The following LMF1 variants were observed in gnomAD, a reference collection of about 807,000 sequenced individuals.
LMF1 encodes lipase maturation factor 1.
A neutral mutation model predicts 60.6 loss-of-function variants in LMF1; 68 were observed. The observed-to-expected ratio is 1.12, with a 90% CI of 0.92 to 1.37. LMF1 has a LOEUF of 1.37. Ranked by LOEUF, LMF1 falls within the 40% of genes most tolerant of loss-of-function variation. The pLI, the probability that LMF1 is intolerant of heterozygous loss-of-function variation, is 0.00. For missense variants in LMF1, 948 were observed against 767.2 expected (o/e 1.24, Z -2.78); for synonymous variants, 418 against 324.7 (o/e 1.29, Z -3.09).
Position 954,360 on chromosome 16 carries a change from A to C in LMF1, c.500T>G (p.Val167Gly). ...CCGCCCCATTCCTGCTACTCACCAG[A>C]CATGGCCCACATTAACCAGGGACAT... is the stretch of plus-strand genomic sequence containing the variant. ...LYMSLVNVGH[V>G]WYSFGWESQL... Residue 167 changes from valine to glycine, a missense_variant, in exon 2 of 11, where the codon GTC becomes GGC. Coordinates refer to ENST00000262301, the MANE Select transcript of LMF1 (RefSeq NM_022773.4). The C allele has an allele frequency of 6.2e-7, 1 of 1,611,602 alleles. No individual in the cohort carries two copies. The highest frequency in any genetic ancestry group is 8.5e-7 in the Non-Finnish European group (1 of 1,179,368).
chr16:909,878 C>T (rs2151753351), intron 4 of LMF1, among the ~76,000 whole-genome samples: 1 of 152,384 alleles, frequency 6.6e-6, no homozygotes, highest in South Asian at 2.1e-4. Flanking sequence ...GCGGCACACT[C>T]TGGCCGTGGC....
intron 1 of LMF1, among the ~76,000 whole-genome samples, chr16:957,830 A>G (rs1181368378): frequency 1.3e-5 from 2 of 152,184 alleles, no homozygotes; most frequent in Non-Finnish European, 2.9e-5. Context: ...CAAAGGTTCA[A>G]AGGCAACTAC....
chr16:977,994 A>G (rs900603757), intron 1 of LMF1, among the ~76,000 whole-genome samples: 29 of 138,014 alleles, frequency 2.1e-4, no homozygotes, highest in Non-Finnish European at 4.2e-4. Flanking sequence ...ACATACACGC[A>G]CACACACACA....
At chr16:868,461 G>C (rs1051382637) in intron 10 of LMF1, among the ~76,000 whole-genome samples, 1 of 152,142 alleles carries the variant, frequency 6.6e-6, no homozygotes, top group Non-Finnish European at 1.5e-5. Context: ...ACCCTGCGGG[G>C]CTCCCTCCTT....
At chr16:950,394 G>A (rs1466097286) in intron 2 of LMF1, among the ~76,000 whole-genome samples, 2 of 135,916 alleles carry the variant, frequency 1.5e-5, no homozygotes, top group Non-Finnish European at 3.1e-5. Flanking sequence ...CAATGACAGA[G>A]TCAGAGCCAA....
At chr16:895,912 G>C (rs568801179) in intron 4 of LMF1, among the ~76,000 whole-genome samples, 2 of 103,876 alleles carry the variant, frequency 1.9e-5, no homozygotes, top group East Asian at 5.8e-4. Flanking sequence ...ACACGCCTCG[G>C]AGGGGTTGTG....
At chr16:913,900 C>T (rs1352755290) in intron 3 of LMF1, among the ~76,000 whole-genome samples, 1 of 152,226 alleles carries the variant, frequency 6.6e-6, no homozygotes, top group Non-Finnish European at 1.5e-5. Context: ...CCCCCGACAC[C>T]CCGACAGGGA....
intron 1 of LMF1, among the ~76,000 whole-genome samples, chr16:968,090 G>A (rs1460382243): frequency 6.6e-6 from 1 of 152,208 alleles, no homozygotes; most frequent in Non-Finnish European, 1.5e-5. Context: ...TGTGTGCAGT[G>A]AGCACACCCC....
chr16:974,838 C>A (rs1296862665), upstream of LMF1, among the ~76,000 whole-genome samples: 1 of 152,242 alleles, frequency 6.6e-6, no homozygotes, highest in African/African-American at 2.4e-5. Context: ...CTCTGGCACC[C>A]GCAGGAAGCC....
rs1326465253 is a variant in LMF1, at chr16:879,626, G to C, written c.841C>G (p.Leu281Val). The C allele has an allele frequency of 6.2e-7, 1 of 1,613,542 alleles. No individual in the cohort carries two copies. The highest frequency in any genetic ancestry group is 1.7e-5 in the Admixed American group (1 of 59,978). The part of the protein sequence containing the change: ...HFIELLVPFF[L>V]FLGRRACIIH... ...ATGCACGCCCGCCGGCCGAGGAAGA[G>C]GAAGAAGGGCACCAGGAGCTCGATG... The change falls in exon 6 of 11, where the codon CTC (leucine) becomes GTC (valine). Residue 281 changes from leucine (L) to valine (V), a missense_variant. Physicochemically the swap from Leu to Val is conservative, Grantham distance 32 (BLOSUM62 1). Coordinates refer to ENST00000262301, the MANE Select transcript of LMF1 (RefSeq NM_022773.4).
At chr16:979,577 T>C in intron 1 of LMF1, 1 of 451,210 alleles carries the variant, frequency 2.2e-6, no homozygotes. Flanking sequence ...TCTCCCTTCC[T>C]CCAGGGGTGC....
At chr16:896,334 C>A (rs1164761382) in intron 4 of LMF1, among the ~76,000 whole-genome samples, 1 of 152,220 alleles carries the variant, frequency 6.6e-6, no homozygotes, top group South Asian at 2.1e-4. Context: ...TGTCTGGGTC[C>A]GGCATCGCCG....
intron 2 of LMF1, among the ~76,000 whole-genome samples, chr16:947,143 C>A (rs770462410): frequency 6.6e-6 from 1 of 152,252 alleles, no homozygotes; most frequent in African/African-American, 2.4e-5. Context: ...GAAGAGACGC[C>A]CAGGGTGGGC....
At chr16:932,503 GCTAGACA>G (rs1567266893) in intron 3 of LMF1, among the ~76,000 whole-genome samples, 1 of 152,180 alleles carries the variant, frequency 6.6e-6, no homozygotes, top group Admixed American at 6.5e-5. Context: ...GACTTCTCCC[GCTAGACA>G]CAGGTGTCAG....
intron 4 of LMF1, chr16:899,574 C>G (rs1378317335): frequency 6.6e-6 from 1 of 152,266 alleles, no homozygotes; most frequent in Admixed American, 6.5e-5. Flanking sequence ...CATGCCGATA[C>G]CAATTCCATT....
Position 919,817 on chromosome 16 carries a change from C to T in LMF1, c.515-8738G>A, listed in dbSNP as rs530278618. On this transcript the variant is annotated intron_variant, in intron 3 of 10. Coordinates refer to ENST00000262301, the MANE Select transcript of LMF1 (RefSeq NM_022773.4). ...GCCTCACGGAGACCCACAGACAGAA[C>T]GTGGGGGTGAGGGTGAAGCAGCCAG... Among the ~76,000 whole-genome samples, 7 of 152,136 alleles carry T rather than the reference C, an allele frequency of 4.6e-5. No individual in the cohort carries two copies. The East Asian group carries it at 5.8e-4, about 13-fold the overall frequency.
intron 4 of LMF1, among the ~76,000 whole-genome samples, chr16:895,249 CCAGCCTCGGTCTCCTGCCTGGTCGGGT>C (rs1430290675): frequency 6.6e-6 from 1 of 152,206 alleles, no homozygotes; most frequent in Non-Finnish European, 1.5e-5. Flanking sequence ...AGCCCCAGCT[CCAGCCTCGGTCTCCTGCCTGGTCGGGT>C]CAGCCTCGGG....
chr16:934,787 G>A (rs1002027601), intron 2 of LMF1, among the ~76,000 whole-genome samples: 1 of 152,264 alleles, frequency 6.6e-6, no homozygotes, highest in African/African-American at 2.4e-5. Context: ...CAGCACGGGT[G>A]TCTAGAGGAG....
At chr16:970,210 C>A (rs1017336322) in intron 1 of LMF1, among the ~76,000 whole-genome samples, 1 of 152,260 alleles carries the variant, frequency 6.6e-6, no homozygotes, top group African/African-American at 2.4e-5. Flanking sequence ...TTCCCTCAGC[C>A]CCTGGGAGAC....
Sources: gnomAD v4.1 joint callset for allele counts (sites outside exome capture counted in the v4.1 genomes callset) on GRCh38, gnomAD v4.1.1 for gene constraint, MANE v1.5 for transcripts, NCBI Gene and HGNC (gene_info 2026-07-23, HGNC 2026-07-21) for gene names.